FNIP1: variants seen among roughly 807,000 people sequenced by gnomAD.
The protein encoded by FNIP1 is folliculin-interacting protein 1.
In FNIP1, 40 loss-of-function variants were observed where a neutral mutation model predicts 124.5. The ratio of observed to expected loss-of-function variants is 0.32; its 90% CI spans 0.25 to 0.42. The LOEUF (loss-of-function observed/expected upper bound fraction) is 0.42. Among genes scored for constraint, FNIP1 ranks in the 10% least tolerant of loss-of-function variants. The pLI is 1.00. For synonymous variants in FNIP1, 472 were observed against 470.6 expected, an observed-to-expected ratio of 1.00 and a Z score of -0.04; for missense variants, 1,176 against 1,403.7, an observed-to-expected ratio of 0.84 and a Z score of 2.59.
Position 131,685,563 on chromosome 5 carries a change from T to C in FNIP1, c.1203-6388A>G, listed in dbSNP as rs576866918. 1.4e-3 allele frequency among the ~76,000 whole-genome samples: 207 copies of C among 151,526 alleles called. 1 individual carries two copies. The highest frequency in any genetic ancestry group is 4.9e-3 in the African/African-American group (201 of 41,298). On this transcript the variant is annotated intron_variant, in intron 11 of 17. Coordinates refer to ENST00000510461, the MANE Select transcript of FNIP1 (RefSeq NM_133372.3). ...TCCGAGGCTCCCTGGTTCAAGCAAT[T>C]CTCCTGCCTCAGGCTCCTCAGTAGC...
intron 2 of FNIP1, among the ~76,000 whole-genome samples, chr5:131,732,682 G>T (rs1770138837): frequency 6.6e-6 from 1 of 152,114 alleles, no homozygotes. Flanking sequence ...CTGTTCCATT[G>T]GTCTGTATCT....
At chr5:131,662,163 G>T (rs1185830626) in intron 15 of FNIP1, among the ~76,000 whole-genome samples, 1 of 152,128 alleles carries the variant, frequency 6.6e-6, no homozygotes, top group East Asian at 1.9e-4. Context: ...AAGCCCTTGG[G>T]TGAGTTTTGT....
chr5:131,679,291 G>A (rs1302795626), intron 11 of FNIP1, 116 bp from the exon 12 acceptor site: 7 of 664,516 alleles, frequency 1.1e-5, no homozygotes, highest in African/African-American at 1.9e-5. Context: ...TAAAGCTTTT[G>A]AGGAAAGACA....
chr5:131,696,925 T>C (rs926490787), intron 11 of FNIP1, among the ~76,000 whole-genome samples: 4 of 152,180 alleles, frequency 2.6e-5, no homozygotes, highest in African/African-American at 4.8e-5. Flanking sequence ...TTCTCAATAA[T>C]TGAGTCAAGT....
intron 1 of FNIP1, among the ~76,000 whole-genome samples, chr5:131,761,729 A>G (rs762271032): frequency 6.6e-6 from 1 of 152,072 alleles, no homozygotes; most frequent in Non-Finnish European, 1.5e-5. Context: ...CAAAATACCA[A>G]TGACATTCTT....
At chr5:131,777,116 T>C (rs536093770) in intron 1 of FNIP1, among the ~76,000 whole-genome samples, 18 of 152,074 alleles carry the variant, frequency 1.2e-4, no homozygotes, top group Admixed American at 5.2e-4. Flanking sequence ...GGTGCACTAT[T>C]ATTATTCTGA....
chr5:131,663,302 G>A (rs558798975), intron 15 of FNIP1, among the ~76,000 whole-genome samples: 2 of 152,312 alleles, frequency 1.3e-5, no homozygotes, highest in Admixed American at 1.3e-4. Flanking sequence ...TACAGATATT[G>A]TTTGAAAGCT....
At chr5:131,676,471 T>A (rs1172468714) in intron 13 of FNIP1, among the ~76,000 whole-genome samples, 1 of 151,922 alleles carries the variant, frequency 6.6e-6, no homozygotes, top group African/African-American at 2.4e-5. Flanking sequence ...TTTAAATATG[T>A]GTTGGGCCAG....
chr5:131,779,418 G>A (rs1771921654), intron 1 of FNIP1, among the ~76,000 whole-genome samples: 1 of 151,958 alleles, frequency 6.6e-6, no homozygotes, highest in Non-Finnish European at 1.5e-5. Flanking sequence ...GGTGGCTTAC[G>A]CCTGTAATCC....
Position 131,643,893 on chromosome 5 carries a change from A to G in FNIP1, c.*792T>C, listed in dbSNP as rs1030314378. The stretch of plus-strand genomic sequence containing the variant: ...ATTAATATTTATAAGAACAGTTCAT[A>G]CTTATAAACAAATGGTATAAAGTAG... On this transcript the variant is annotated 3_prime_UTR_variant, in exon 18 of 18. Coordinates refer to ENST00000510461, the MANE Select transcript of FNIP1 (RefSeq NM_133372.3). The G allele has an allele frequency of 1.3e-5, 2 of 152,572 alleles. No homozygotes were observed. The highest frequency in any genetic ancestry group is 4.8e-5 in the African/African-American group (2 of 41,446). The allele number at this position is 152,572 out of a possible 1,614,324, so 9.5% of individuals were successfully genotyped here. A position where few individuals can be genotyped will look rare whatever the true frequency, so the allele number is the denominator to read the frequency against.
At chr5:131,793,725 T>C (rs545989350) in intron 1 of FNIP1, among the ~76,000 whole-genome samples, 1 of 152,270 alleles carries the variant, frequency 6.6e-6, no homozygotes, top group African/African-American at 2.4e-5. Flanking sequence ...TGCTGTGGCT[T>C]ACAATTACTG....
At chr5:131,657,824 A>G (rs1009871437) in intron 15 of FNIP1, among the ~76,000 whole-genome samples, 6 of 151,220 alleles carry the variant, frequency 4.0e-5, no homozygotes, top group African/African-American at 1.5e-4. Context: ...GCGGATCACA[A>G]GGTCAGGAGA....
At chr5:131,722,158 G>C (rs545347003) in intron 3 of FNIP1, among the ~76,000 whole-genome samples, 1 of 152,250 alleles carries the variant, frequency 6.6e-6, no homozygotes, top group African/African-American at 2.4e-5. Flanking sequence ...ACACAGGCCT[G>C]GTCAGTAAGA....
intron 5 of FNIP1, 101 bp downstream of exon 5, chr5:131,718,885 G>A: frequency 1.1e-6 from 1 of 935,402 alleles, no homozygotes; most frequent in African/African-American, 1.7e-5. Flanking sequence ...AGGAAAGACA[G>A]AAAATCTGAA....
intron 3 of FNIP1, among the ~76,000 whole-genome samples, chr5:131,724,374 G>T (rs1049130752): frequency 2.6e-4 from 39 of 152,128 alleles, no homozygotes; most frequent in Admixed American, 3.3e-4. Flanking sequence ...AGCATCTTTT[G>T]TTTCCTGACT....
At chr5:131,700,775 A>G (rs1360415856) in intron 10 of FNIP1, among the ~76,000 whole-genome samples, 1 of 152,152 alleles carries the variant, frequency 6.6e-6, no homozygotes, top group Non-Finnish European at 1.5e-5. Context: ...GCCCTAGAAG[A>G]TAACTTCTTT....
At chr5:131,782,167 TAAAAAGAAGG>T (rs921518451) in intron 1 of FNIP1, among the ~76,000 whole-genome samples, 1 of 150,656 alleles carries the variant, frequency 6.6e-6, no homozygotes, top group Non-Finnish European at 1.5e-5. Context: ...AAAAGAAAAA[TAAAAAGAAGG>T]AAAAGAAATA....
chr5:131,763,396 A>C (rs1771303055), intron 1 of FNIP1, among the ~76,000 whole-genome samples: 1 of 152,166 alleles, frequency 6.6e-6, no homozygotes, highest in Non-Finnish European at 1.5e-5. Context: ...TTGCTGTTAA[A>C]GGAATACCTG....
rs1320199188 is a variant in FNIP1, at chr5:131,665,423, A to ACT, written c.3108+5038_3108+5039dup. On this transcript the variant is annotated intron_variant, in intron 15 of 17. Transcript: ENST00000510461. Reference sequence around the variant, plus strand: ...AAAATCAGGGAGAAAAAGAAAAGACACTCTCCTCTTATAATTCAGAAGACT... The same window carrying ACT: ...AAAATCAGGGAGAAAAAGAAAAGACACTCTCTCCTCTTATAATTCAGAAGACT... 6.6e-5 allele frequency among the ~76,000 whole-genome samples: 10 copies of ACT among 151,582 alleles called. No homozygotes were observed. The South Asian group carries it at 1.5e-3, about 22-fold the overall frequency.
Sources: gnomAD v4.1 joint callset for allele counts (sites outside exome capture counted in the v4.1 genomes callset) on GRCh38, gnomAD v4.1.1 for gene constraint, MANE v1.5 for transcripts, NCBI Gene and HGNC (gene_info 2026-07-23, HGNC 2026-07-21) for gene names.